The following FAM162A variants were observed in gnomAD, a reference collection of about 807,000 sequenced individuals.
FAM162A encodes the protein protein FAM162A.
In FAM162A, 23 loss-of-function variants were observed where a neutral mutation model predicts 21.8. That is an observed-to-expected ratio of 1.05 (90% CI 0.76 to 1.49). FAM162A has a LOEUF of 1.49. Among genes scored for constraint, FAM162A ranks in the 40% most tolerant of loss-of-function variants. FAM162A has a pLI of 0.00. For synonymous variants in FAM162A, 53 were observed against 61.3 expected, an observed-to-expected ratio of 0.86 and a Z score of 0.64; for missense variants, 165 against 186.4, an observed-to-expected ratio of 0.89 and a Z score of 0.67.
chr3:122,401,281 C>G (rs974081066), intron 1 of FAM162A: 1 of 464,728 alleles, frequency 2.2e-6, no homozygotes. Context: ...TAATATTCAC[C>G]TGATTGTATC....
chr3:122,408,540 AT>A (rs1219403318), intron 4 of FAM162A, among the ~76,000 whole-genome samples: 5 of 152,224 alleles, frequency 3.3e-5, no homozygotes, highest in Admixed American at 3.3e-4. Flanking sequence ...AATACTGACC[AT>A]TTTAGGCTGA....
At chr3:122,387,005 G>A (rs1011658483) in intron 1 of FAM162A, among the ~76,000 whole-genome samples, 20 of 152,106 alleles carry the variant, frequency 1.3e-4, no homozygotes, top group African/African-American at 4.3e-4. Context: ...CCCACACTAC[G>A]CTGGGTTTCA....
At chr3:122,393,852 C>G (rs1559999690) in intron 1 of FAM162A, among the ~76,000 whole-genome samples, 1 of 152,194 alleles carries the variant, frequency 6.6e-6, no homozygotes, top group Non-Finnish European at 1.5e-5. Context: ...GGTCTCTAAG[C>G]TCTCACCTCA....
At position 122,407,293 on chromosome 3, in the gene FAM162A, T is replaced by C. The variant is rs1210852050; in HGVS notation, c.276T>C (p.Leu92=). The C allele has an allele frequency of 6.2e-7, 1 of 1,613,938 alleles. No individual in the cohort carries two copies. Among genetic ancestry groups the C allele is most frequent in the Admixed American group, 1.7e-5 (1 of 59,970 alleles). The change falls in exon 4 of 5, where the codon CTT becomes CTC. Residue 92 remains leucine (L), a synonymous_variant. Transcript: ENST00000477892. ...EIPETVSLEM[L]DAAKNKMRVK... is the part of the protein sequence containing the mutation. ...ATTGTATTACTAGGTTGGAGATGCT[T>C]GATGCTGCAAAGAACAAGATGCGAG...
At chr3:122,395,494 G>A (rs540931876) in intron 1 of FAM162A, among the ~76,000 whole-genome samples, 2 of 152,200 alleles carry the variant, frequency 1.3e-5, no homozygotes, top group South Asian at 2.1e-4. Context: ...AGTTTAAAAC[G>A]TACTCTGGAA....
rs1472872103 is a variant in FAM162A at position 122,412,018 on chromosome 3, C to A, written c.*2187C>A. On this transcript the variant is annotated 3_prime_UTR_variant, in exon 5 of 5. Coordinates refer to ENST00000477892, the MANE Select transcript of FAM162A (RefSeq NM_014367.4). Reference sequence around the variant, plus strand: ...CAGTTTCTTGGCCAGAATTCAAGATCTGCCCCTAACTAATCCTACTTCTCC... The same window carrying A: ...CAGTTTCTTGGCCAGAATTCAAGATATGCCCCTAACTAATCCTACTTCTCC... 1.3e-5 allele frequency: 2 copies of A among 152,158 alleles called. No individual in the cohort carries two copies. Among genetic ancestry groups the A allele is most frequent in the African/African-American group, 2.4e-5 (1 of 41,426 alleles). 9.4% of individuals were successfully genotyped at this position (152,158 alleles called of 1,614,324 possible). A position where few individuals can be genotyped will look rare whatever the true frequency, so the allele number is the denominator to read the frequency against.
At chr3:122,401,655 C>T (rs2075654061) in intron 1 of FAM162A, 2 of 560,410 alleles carry the variant, frequency 3.6e-6, no homozygotes, top group South Asian at 6.0e-5. Flanking sequence ...AAAAAATAGC[C>T]ATTCTGGCTG....
chr3:122,388,001 G>A (rs2075582532), intron 1 of FAM162A, among the ~76,000 whole-genome samples: 1 of 152,178 alleles, frequency 6.6e-6, no homozygotes, highest in Non-Finnish European at 1.5e-5. Flanking sequence ...AGGAGGTAAA[G>A]TGTAGTGTTT....
rs1560004027 is a variant in FAM162A, at chr3:122,411,167, A to C, written c.*1336A>C. The stretch of plus-strand genomic sequence containing the variant: ...AACATGCTGGTTCTCAGAGAGTTAT[A>C]AGAGAGATTAAAAATACATGCAGCT... On this transcript the variant is annotated 3_prime_UTR_variant, in exon 5 of 5. Transcript: ENST00000477892. 1 of 152,196 alleles carries C rather than the reference A, an allele frequency of 6.6e-6. No homozygotes were observed. Among genetic ancestry groups the C allele is most frequent in the Non-Finnish European group, 1.5e-5 (1 of 68,036 alleles). The allele number at this position is 152,196 out of a possible 1,614,324, so 9.4% of individuals were successfully genotyped here.
chr3:122,391,223 G>A (rs2075602928), intron 1 of FAM162A, among the ~76,000 whole-genome samples: 2 of 152,226 alleles, frequency 1.3e-5, no homozygotes, highest in South Asian at 4.2e-4. Flanking sequence ...GAGAAGGTCT[G>A]GCATTATCGC....
Position 122,409,837 on chromosome 3 carries a change from G to A in FAM162A, c.*6G>A. On this transcript the variant is annotated 3_prime_UTR_variant, in exon 5 of 5. Coordinates refer to ENST00000477892, the MANE Select transcript of FAM162A (RefSeq NM_014367.4). ...TGAAGGCCAAAACAGAGTAGCAGAGGTATCCGTGTTGGCTGGATTTTGAAA... is the reference window on the plus strand; with the variant it reads ...TGAAGGCCAAAACAGAGTAGCAGAGATATCCGTGTTGGCTGGATTTTGAAA... 6.2e-7 allele frequency: 1 copy of A among 1,612,740 alleles called. No homozygotes were observed. Among genetic ancestry groups the A allele is most frequent in the Non-Finnish European group, 8.5e-7 (1 of 1,178,776 alleles).
chr3:122,412,292 C>G lies in FAM162A; in HGVS notation c.*2461C>G, dbSNP rs186161707. 42 of 152,280 alleles carry G rather than the reference C, an allele frequency of 2.8e-4. No homozygotes were observed. The highest frequency in any genetic ancestry group is 3.4e-3 in the Middle Eastern group (1 of 294). The allele number at this position is 152,280 out of a possible 1,614,324, so 9.4% of individuals were successfully genotyped here. ...GAAATCTTTTTCTACTTTACATTTC[C>G]TGTAAGTGCTGTTTGTTTGAATAAA... On this transcript the variant is annotated 3_prime_UTR_variant, in exon 5 of 5. Coordinates refer to ENST00000477892, the MANE Select transcript of FAM162A (RefSeq NM_014367.4).
Position 122,410,177 on chromosome 3 carries a change from A to C in FAM162A, c.*346A>C. ...CAGGCGAACTCATTTTGAGGAGATA[A>C]GGAAGGCCAGTTGAGTATATGGCCC... On this transcript the variant is annotated 3_prime_UTR_variant, in exon 5 of 5. Transcript: ENST00000477892. The C allele has an allele frequency of 5.9e-6, 2 of 341,740 alleles. No homozygotes were observed. The highest frequency in any genetic ancestry group is 5.5e-6 in the Non-Finnish European group (1 of 183,032). 21.2% of individuals were successfully genotyped at this position (341,740 alleles called of 1,614,324 possible).
At chr3:122,398,251 C>G (rs1488199012) in intron 1 of FAM162A, among the ~76,000 whole-genome samples, 2 of 151,894 alleles carry the variant, frequency 1.3e-5, no homozygotes, top group Non-Finnish European at 2.9e-5. Flanking sequence ...CACCATTTTG[C>G]AATCCCTAAT....
chr3:122,407,051 CTTAA>C (rs1160154291), intron 3 of FAM162A, among the ~76,000 whole-genome samples: 23 of 149,270 alleles, frequency 1.5e-4, no homozygotes, highest in African/African-American at 5.4e-4. Flanking sequence ...TTCTTTTGTA[CTTAA>C]TTGTGTGCTA....
intron 1 of FAM162A, among the ~76,000 whole-genome samples, chr3:122,395,408 A>C (rs1004902336): frequency 2.0e-5 from 3 of 152,246 alleles, no homozygotes; most frequent in African/African-American, 7.2e-5. Context: ...GTTTTGCAGT[A>C]TGCAAGATAA....
intron 1 of FAM162A, among the ~76,000 whole-genome samples, chr3:122,391,421 T>C (rs568788103): frequency 7.2e-4 from 109 of 152,348 alleles, no homozygotes; most frequent in Non-Finnish European, 1.3e-3. Flanking sequence ...TAAAAATATT[T>C]TTAAAGCAAG....
At chr3:122,395,995 C>T (rs958666644) in intron 1 of FAM162A, among the ~76,000 whole-genome samples, 4 of 152,062 alleles carry the variant, frequency 2.6e-5, no homozygotes, top group Non-Finnish European at 4.4e-5. Flanking sequence ...TATTTACATG[C>T]CAAAGAATGA....
chr3:122,405,260 C>T (rs937503995), intron 3 of FAM162A, among the ~76,000 whole-genome samples: 32 of 152,208 alleles, frequency 2.1e-4, no homozygotes, highest in Admixed American at 7.2e-4. Context: ...GAAACTATTC[C>T]TGGATCTTCT....
Sources: allele counts gnomAD v4.1 joint callset (sites outside exome capture counted in the v4.1 genomes callset), GRCh38; gene constraint gnomAD v4.1.1; transcripts MANE v1.5; gene names NCBI Gene and HGNC (gene_info 2026-07-23, HGNC 2026-07-21).